PRKCH: variants seen among roughly 807,000 people sequenced by gnomAD.
The protein encoded by PRKCH is protein kinase C eta, also known as protein kinase C eta type.
A neutral mutation model predicts 82.5 loss-of-function variants in PRKCH; 28 were observed. The ratio of observed to expected loss-of-function variants is 0.34; its 90% CI spans 0.25 to 0.47. The LOEUF is 0.47. PRKCH is among the 20% of genes least tolerant of loss of function. The probability of loss-of-function intolerance (pLI) is 1.00; values close to 1 mark genes in which losing one functional copy is unlikely to be tolerated. For synonymous variants in PRKCH, 322 were observed against 327.4 expected (o/e 0.98, Z 0.18); for missense variants, 705 against 881.8 (o/e 0.80, Z 2.54).
chr14:61,225,615 T>C (rs981122464), intron 1 of PRKCH, among the ~76,000 whole-genome samples: 12 of 152,228 alleles, frequency 7.9e-5, no homozygotes, highest in Non-Finnish European at 1.6e-4. Context: ...CACATATGAG[T>C]AAGTGTCGTC....
chr14:61,313,176 G>C (rs1178989272), intron 1 of PRKCH, among the ~76,000 whole-genome samples: 2 of 152,176 alleles, frequency 1.3e-5, no homozygotes, highest in Admixed American at 1.3e-4. Context: ...AGGGTAAAGA[G>C]AATGATGCTA....
intron 1 of PRKCH, among the ~76,000 whole-genome samples, chr14:61,227,462 C>G (rs191029439): frequency 6.6e-6 from 1 of 152,030 alleles, no homozygotes; most frequent in Non-Finnish European, 1.5e-5. Flanking sequence ...GGCGTGGTGG[C>G]GAGCGCCCGT....
intron 1 of PRKCH, among the ~76,000 whole-genome samples, chr14:61,258,464 G>A (rs1382068650): frequency 1.3e-5 from 2 of 152,180 alleles, no homozygotes; most frequent in Non-Finnish European, 2.9e-5. Context: ...TTAACATGAT[G>A]TAGGGTATAA....
intron 1 of PRKCH, among the ~76,000 whole-genome samples, chr14:61,260,597 C>A (rs769450529): frequency 1.3e-5 from 2 of 152,146 alleles, no homozygotes; most frequent in African/African-American, 2.4e-5. Context: ...GGAATAATTT[C>A]AGTAAATCAC....
intron 1 of PRKCH, among the ~76,000 whole-genome samples, chr14:61,216,144 T>C (rs532120958): frequency 6.6e-6 from 1 of 152,254 alleles, no homozygotes; most frequent in African/African-American, 2.4e-5. Context: ...TGCTGTCAGG[T>C]TGGTGAAAAG....
chr14:61,238,704 TA>T (rs2044810667), intron 1 of PRKCH, among the ~76,000 whole-genome samples: 1 of 152,146 alleles, frequency 6.6e-6, no homozygotes, highest in South Asian at 2.1e-4. Flanking sequence ...AATAACCATT[TA>T]AAAATGTCCA....
intron 1 of PRKCH, among the ~76,000 whole-genome samples, chr14:61,275,517 T>A (rs1160909695): frequency 2.6e-5 from 4 of 152,228 alleles, no homozygotes; most frequent in African/African-American, 9.6e-5. Context: ...TAGCTAAGGT[T>A]CTTGACAGTA....
chr14:61,458,791 A>T (rs1385091369), intron 9 of PRKCH, among the ~76,000 whole-genome samples: 3 of 152,048 alleles, frequency 2.0e-5, no homozygotes, highest in South Asian at 2.1e-4. Flanking sequence ...AAAGCTACAC[A>T]CTTTCAAACA....
intron 1 of PRKCH, among the ~76,000 whole-genome samples, chr14:61,332,770 G>A (rs1015637572): frequency 2.0e-5 from 3 of 152,108 alleles, no homozygotes; most frequent in African/African-American, 4.8e-5. Flanking sequence ...ATATTTATTC[G>A]TAAGTCACAT....
chr14:61,384,311 GCTT>G (rs957722857), intron 1 of PRKCH, among the ~76,000 whole-genome samples: 1 of 152,158 alleles, frequency 6.6e-6, no homozygotes, highest in African/African-American at 2.4e-5. Flanking sequence ...TCTGGCTCAG[GCTT>G]CCCAGATGGT....
intron 1 of PRKCH, among the ~76,000 whole-genome samples, chr14:61,194,912 C>G (rs1475279296): frequency 6.6e-6 from 1 of 151,986 alleles, no homozygotes; most frequent in African/African-American, 2.4e-5. Context: ...TTTTGTATTT[C>G]TAGTCGAGAC....
intron 2 of PRKCH, among the ~76,000 whole-genome samples, chr14:61,407,948 T>A (rs1882048470): frequency 6.6e-6 from 1 of 152,224 alleles, no homozygotes; most frequent in South Asian, 2.1e-4. Context: ...GGTTCTCCAG[T>A]GTCCCACATC....
intron 10 of PRKCH, 126 bp from the exon 11 acceptor site, chr14:61,528,949 C>G (rs1210411288): frequency 5.5e-6 from 5 of 902,004 alleles, no homozygotes; most frequent in Non-Finnish European, 8.0e-6. Flanking sequence ...GTACAGGAAG[C>G]TCATGCGGCC....
chr14:61,250,126 C>T (rs954502199), intron 1 of PRKCH, among the ~76,000 whole-genome samples: 2 of 150,498 alleles, frequency 1.3e-5, no homozygotes, highest in Admixed American at 1.3e-4. Context: ...CAGGCACGGT[C>T]GTGGGCGCCT....
chr14:61,495,678 T>A (rs531064654), intron 10 of PRKCH, among the ~76,000 whole-genome samples: 39 of 152,278 alleles, frequency 2.6e-4, no homozygotes, highest in African/African-American at 9.1e-4. Context: ...AACAAATAAT[T>A]TTTTTGTTGT....
In PRKCH at chr14:61,326,806, A is replaced by G. The variant is rs549656735; in HGVS notation, c.363+4342A>G. ...ACAAATTAGTTTCTGATTTTTGGAC[A>G]TGGTCTCATTTTCTAAATTATCACT... On this transcript the variant is annotated intron_variant, in intron 1 of 13. Coordinates refer to ENST00000332981, the MANE Select transcript of PRKCH (RefSeq NM_006255.5). The G allele has an allele frequency of 2.9e-5, 6 of 208,788 alleles. No individual in the cohort carries two copies. The South Asian group carries it at 3.8e-4, about 13-fold the overall frequency. 12.9% of individuals were successfully genotyped at this position (208,788 alleles called of 1,614,324 possible). A position where few individuals can be genotyped will look rare whatever the true frequency, so the allele number is the denominator to read the frequency against.
intron 1 of PRKCH, among the ~76,000 whole-genome samples, chr14:61,348,783 GC>G (rs1465296163): frequency 6.6e-6 from 1 of 152,178 alleles, no homozygotes; most frequent in Non-Finnish European, 1.5e-5. Flanking sequence ...TGCCTTCGTA[GC>G]CACTGGCACT....
chr14:61,256,397 A>G (rs1176727784), intron 1 of PRKCH, among the ~76,000 whole-genome samples: 1 of 152,112 alleles, frequency 6.6e-6, no homozygotes, highest in Admixed American at 6.5e-5. Context: ...TGAGCATAGA[A>G]CCGTCAGTGA....
At chr14:61,346,183 G>A (rs1203857835) in intron 1 of PRKCH, among the ~76,000 whole-genome samples, 43 of 152,122 alleles carry the variant, frequency 2.8e-4, no homozygotes, top group Non-Finnish European at 8.8e-5. Context: ...GCTTGTCAGG[G>A]TGGCACCAAT....
Sources: gnomAD v4.1 joint callset for allele counts (sites outside exome capture counted in the v4.1 genomes callset) on GRCh38, gnomAD v4.1.1 for gene constraint, MANE v1.5 for transcripts, NCBI Gene and HGNC (gene_info 2026-07-23, HGNC 2026-07-21) for gene names.